The following LILRB1 variants were observed in gnomAD, a reference collection of about 807,000 sequenced individuals.
The protein encoded by LILRB1 is leukocyte immunoglobulin-like receptor subfamily B member 1.
A neutral mutation model predicts 74.6 loss-of-function variants in LILRB1; 59 were observed. That is an observed-to-expected ratio of 0.79 (90% confidence interval 0.64 to 0.98). The LOEUF is 0.98. LILRB1 is among the 50% of genes least tolerant of loss of function. The pLI is 0.00. For synonymous variants in LILRB1, 328 were observed against 333.9 expected (o/e 0.98, Z 0.19); for missense variants, 804 against 822.6 (o/e 0.98, Z 0.28).
Position 54,635,609 on chromosome 19 carries a change from G to T in LILRB1, c.1653G>T (p.Arg551=), listed in dbSNP as rs747947487. Residue 551 remains arginine (R), a splice_region_variant and synonymous_variant, in exon 13 of 15, where the codon CGG becomes CGT. Transcript: ENST00000324602. ...QPEDGVEMDT[R]QSPHDEDPQA... is the part of the protein sequence containing the mutation. ...AGGATGGGGTGGAGATGGACACTCG[G>T]GTGAGACCCCACCCCTGTCCCAGGC... 7 of 1,613,900 alleles carry T rather than the reference G, an allele frequency of 4.3e-6. No individual in the cohort carries two copies. In the African/African-American group the frequency reaches 6.7e-5, roughly 15 times the overall value.
In LILRB1 at chr19:54,631,603, C is replaced by A. The variant is rs766976525; in HGVS notation, c.174C>A (p.Tyr58Ter). Residue 58 changes from tyrosine (Y) to a stop codon, truncating the protein, a stop_gained, in exon 4 of 15, where the codon TAC (tyrosine) becomes TAA (stop). Transcript: ENST00000324602. LOFTEE classifies it high-confidence loss of function. ...AGGGGGGCCAGGAGACCCAGGAGTACCGTCTATATAGAGAAAAGAAAACAG... is the reference window on the plus strand; with the variant it reads ...AGGGGGGCCAGGAGACCCAGGAGTAACGTCTATATAGAGAAAAGAAAACAG... ...RCQGGQETQE[Y>*]RLYREKKTAP... 7 of 1,614,268 alleles carry A rather than the reference C, an allele frequency of 4.3e-6. No individual in the cohort carries two copies. Among genetic ancestry groups the A allele is most frequent in the Non-Finnish European group, 5.9e-6 (7 of 1,180,038 alleles).
In LILRB1 at chr19:54,631,959, C is replaced by T; in HGVS notation, c.383C>T (p.Ser128Leu). The change falls in exon 5 of 15, where the codon TCA becomes TTA. Residue 128 changes from serine (S) to leucine (L), a missense_variant. Coordinates refer to ENST00000324602, the MANE Select transcript of LILRB1 (RefSeq NM_001081637.3). The stretch of plus-strand genomic sequence containing the variant: ...GGAGCCTACATCAAACCCACCCTCT[C>T]AGCCCAGCCCAGCCCCGTGGTGAAC... ...VTGAYIKPTLSAQPSPVVNSG... is the reference protein window; with the variant it reads ...VTGAYIKPTLLAQPSPVVNSG... The T allele has an allele frequency of 6.2e-7, 1 of 1,613,384 alleles. No individual in the cohort carries two copies. The highest frequency in any genetic ancestry group is 1.7e-4 in the Middle Eastern group (1 of 6,056).
chr19:54,624,833 T>TGC (rs1030364597), intron 1 of LILRB1, among the ~76,000 whole-genome samples: 18 of 151,914 alleles, frequency 1.2e-4, no homozygotes, highest in African/African-American at 4.3e-4. Flanking sequence ...TGGTAGAGCC[T>TGC]GCGGCAGATC....
chr19:54,628,987 A>G (rs1285509548), upstream of LILRB1, among the ~76,000 whole-genome samples: 1 of 152,190 alleles, frequency 6.6e-6, no homozygotes, highest in Non-Finnish European at 1.5e-5. Context: ...ACAACATCAC[A>G]CTTCCCTCTC....
chr19:54,628,276 G>A (rs1350032844), upstream of LILRB1, among the ~76,000 whole-genome samples: 2 of 152,188 alleles, frequency 1.3e-5, no homozygotes, highest in African/African-American at 4.8e-5. Context: ...CAAATATTTA[G>A]GCTAAATTGT....
chr19:54,624,904 G>C (rs1025398923), intron 1 of LILRB1, among the ~76,000 whole-genome samples: 1 of 149,434 alleles, frequency 6.7e-6, no homozygotes, highest in African/African-American at 2.4e-5. Flanking sequence ...ATGTCCAGGT[G>C]GGGGCAGGGT....
At position 54,633,679 on chromosome 19, in the gene LILRB1, T is replaced by C. The variant is rs1160925996; in HGVS notation, c.1303T>C (p.Ser435Pro). 9.3e-6 allele frequency: 15 copies of C among 1,613,600 alleles called. No homozygotes were observed. Among genetic ancestry groups the C allele is most frequent in the Non-Finnish European group, 1.3e-5 (15 of 1,179,752 alleles). ...CAGCTCCCCGACAACAGGCCCCACC[T>C]CCACATCTGGTGAGTCCCTGAGGCT... Reference protein sequence around the residue: ...GPSSPTTGPTSTSAGPEDQPL... With the variant: ...GPSSPTTGPTPTSAGPEDQPL... Residue 435 changes from serine to proline, a missense_variant, in exon 8 of 15, where the codon TCC becomes CCC. Physicochemically the swap from Ser to Pro is moderately conservative, Grantham distance 74 (BLOSUM62 -1). Coordinates refer to ENST00000324602, the MANE Select transcript of LILRB1 (RefSeq NM_001081637.3).
chr19:54,619,980 G>A (rs2063412522), intron 1 of LILRB1, among the ~76,000 whole-genome samples: 1 of 148,390 alleles, frequency 6.7e-6, no homozygotes. Flanking sequence ...TTGAAATTTG[G>A]GTTACTAAAT....
intron 1 of LILRB1, among the ~76,000 whole-genome samples, chr19:54,621,164 A>G (rs2063446193): frequency 6.6e-6 from 1 of 152,198 alleles, no homozygotes; most frequent in Admixed American, 6.5e-5. Flanking sequence ...GTGAGCCACC[A>G]CACCTGACCC....
chr19:54,634,302 G>C, intron 9 of LILRB1: 1 of 1,539,458 alleles, frequency 6.5e-7, no homozygotes, highest in East Asian at 2.5e-5. Flanking sequence ...CAGAGACGGT[G>C]ACCTGGGGCA....
chr19:54,631,417 T>C (rs574406952), intron 3 of LILRB1, 83 bp from the exon 4 acceptor site: 2 of 1,609,006 alleles, frequency 1.2e-6, no homozygotes, highest in African/African-American at 1.3e-5. Context: ...GATGGGGGCG[T>C]CTGGAGGGTC....
intron 8 of LILRB1, 105 bp from the exon 9 acceptor site, chr19:54,633,866 G>T (rs2146278903): frequency 1.3e-6 from 2 of 1,484,960 alleles, no homozygotes; most frequent in Non-Finnish European, 9.1e-7. Context: ...GAGGGGTGGG[G>T]GGTCAAGGCA....
At chr19:54,633,813 A>T in intron 8 of LILRB1, 125 bp downstream of exon 8, 3 of 1,451,886 alleles carry the variant, frequency 2.1e-6, no homozygotes, top group Non-Finnish European at 2.8e-6. Flanking sequence ...GCAGAGCCAG[A>T]GGAGGGGCCA....
chr19:54,633,353 A>G (rs2064088635), intron 7 of LILRB1, 35 bp downstream of exon 7: 1 of 1,596,968 alleles, frequency 6.3e-7, no homozygotes, highest in South Asian at 1.1e-5. Context: ...CTGAGCTCAA[A>G]GTCTCAGCTC....
chr19:54,627,113 A>T (rs1436216360), upstream of LILRB1, among the ~76,000 whole-genome samples: 1 of 152,194 alleles, frequency 6.6e-6, no homozygotes, highest in African/African-American at 2.4e-5. Context: ...GTTCTGAGAG[A>T]GAGACAAAGT....
At chr19:54,630,841 C>G (rs1348401871) in intron 1 of LILRB1, 185 bp from the exon 2 acceptor site, 4 of 832,002 alleles carry the variant, frequency 4.8e-6, no homozygotes, top group Non-Finnish European at 7.8e-6. Flanking sequence ...AGGAAAGGGC[C>G]CATTACCATC....
chr19:54,619,954 G>A lies in LILRB1; in HGVS notation c.-166+2605G>A, dbSNP rs149614235. On this transcript the variant is annotated intron_variant, in intron 1 of 15. Transcript: ENST00000396331. ...TTAGAGCTATGTTATGTTAAACCTCGTTTTTTTTTTTTCACTTGAAATTTG... is the reference window on the plus strand; with the variant it reads ...TTAGAGCTATGTTATGTTAAACCTCATTTTTTTTTTTTCACTTGAAATTTG... 8.3e-3 allele frequency among the ~76,000 whole-genome samples: 1,200 copies of A among 144,878 alleles called. 21 individuals carry two copies. Among genetic ancestry groups the A allele is most frequent in the African/African-American group, 0.028 (1,118 of 39,794 alleles).
upstream of LILRB1, among the ~76,000 whole-genome samples, chr19:54,627,886 C>A (rs1441069957): frequency 6.6e-6 from 1 of 152,180 alleles, no homozygotes; most frequent in Admixed American, 6.5e-5. Flanking sequence ...TGCTTCTTCC[C>A]CAGTGCCGTA....
intron 9 of LILRB1, 149 bp downstream of exon 9, chr19:54,634,170 G>T: frequency 6.6e-7 from 1 of 1,511,556 alleles, no homozygotes. Context: ...AAAGGTGAGA[G>T]GCCTGCGGGT....
Sources: allele counts gnomAD v4.1 joint callset (sites outside exome capture counted in the v4.1 genomes callset), GRCh38; gene constraint gnomAD v4.1.1; transcripts MANE v1.5; gene names NCBI Gene and HGNC (gene_info 2026-07-23, HGNC 2026-07-21).